PDZRN3: variants seen among roughly 807,000 people sequenced by gnomAD.
PDZRN3 encodes PDZ domain containing ring finger 3.
In PDZRN3, 38 loss-of-function variants were observed where a neutral mutation model predicts 85.7. The observed-to-expected ratio is 0.44, with a 90% CI of 0.34 to 0.58. The LOEUF is 0.58. Ranked by LOEUF, PDZRN3 falls within the 20% of genes least tolerant of loss-of-function variation. PDZRN3 has a pLI of 0.01. For synonymous variants in PDZRN3, 759 were observed against 638.0 expected, an observed-to-expected ratio of 1.19 and a Z score of -2.86; for missense variants, 1,629 against 1,506.4, an observed-to-expected ratio of 1.08 and a Z score of -1.35.
At chr3:73,525,802 A>G (rs1704509069) in intron 3 of PDZRN3, among the ~76,000 whole-genome samples, 1 of 152,148 alleles carries the variant, frequency 6.6e-6, no homozygotes, top group African/African-American at 2.4e-5. Context: ...GGCTTCCTGC[A>G]TTCGCCAGTC....
chr3:73,530,130 C>T (rs1020955873), intron 3 of PDZRN3, among the ~76,000 whole-genome samples: 16 of 152,176 alleles, frequency 1.1e-4, no homozygotes, highest in Admixed American at 3.3e-4. Flanking sequence ...ATTCCCATCG[C>T]ACTCTGGGGG....
rs151247464 is a variant in PDZRN3 at position 73,384,145 on chromosome 3, A to G, written c.2421T>C (p.Asn807=). 148 of 1,614,054 alleles carry G rather than the reference A, an allele frequency of 9.2e-5. 1 individual carries two copies. The African/African-American group carries it at 1.9e-3, about 20-fold the overall frequency. ...CGGGATCTTCCGTGATGGAGAGCAGATTCTTGGAGGCTGGCCCGTAGGCTT... is the reference window on the plus strand; with the variant it reads ...CGGGATCTTCCGTGATGGAGAGCAGGTTCTTGGAGGCTGGCCCGTAGGCTT... The part of the protein sequence containing the change: ...TTEAYGPASK[N]LLSITEDPEV... Residue 807 remains asparagine, a synonymous_variant, in exon 10 of 10, where the codon AAT becomes AAC. Transcript: ENST00000263666.
chr3:73,390,329 G>A (rs1441349255), intron 6 of PDZRN3, among the ~76,000 whole-genome samples: 1 of 152,100 alleles, frequency 6.6e-6, no homozygotes, highest in Non-Finnish European at 1.5e-5. Context: ...GTAAGGGGAG[G>A]GATGTCCCCA....
At chr3:73,538,789 A>T (rs1704849156) in intron 3 of PDZRN3, among the ~76,000 whole-genome samples, 1 of 152,180 alleles carries the variant, frequency 6.6e-6, no homozygotes, top group Non-Finnish European at 1.5e-5. Flanking sequence ...GGCAAACTCT[A>T]AGACCTGGTA....
rs755420306 is a variant in PDZRN3, at chr3:73,390,995, A to T, written c.1353+23T>A. On this transcript the variant is annotated intron_variant, in intron 6 of 9. Transcript: ENST00000263666. Reference sequence around the variant, plus strand: ...CTTTTGGTCTTGATACGATAGTTAGAAAAACAAAATCAGCCTTTGTACCTC... The same window carrying T: ...CTTTTGGTCTTGATACGATAGTTAGTAAAACAAAATCAGCCTTTGTACCTC... 3.9e-6 allele frequency: 6 copies of T among 1,543,090 alleles called. 1 individual carries two copies. The Admixed American group carries it at 1.0e-4, about 26-fold the overall frequency.
Position 73,384,020 on chromosome 3 carries a change from GGGCTCC to G in PDZRN3, c.2540_2545del (p.Arg847_Ser848del), listed in dbSNP as rs1559645386. ...GCTGCCCAGCTTCTGGCTGGGCGTGGGGCTCCGGCTCCCGTCGCTGGCTCTCCGCTC... is the reference window on the plus strand; with the variant it reads ...GCTGCCCAGCTTCTGGCTGGGCGTGGGGCTCCCGTCGCTGGCTCTCCGCTC... On this transcript the variant is annotated inframe_deletion, in exon 10 of 10. Coordinates refer to ENST00000263666, the MANE Select transcript of PDZRN3 (RefSeq NM_015009.3). 6.9e-6 allele frequency: 11 copies of G among 1,591,438 alleles called. No homozygotes were observed. Among genetic ancestry groups the G allele is most frequent in the African/African-American group, 1.3e-5 (1 of 74,354 alleles).
At chr3:73,445,885 T>C (rs1369853458) in intron 3 of PDZRN3, among the ~76,000 whole-genome samples, 2 of 152,170 alleles carry the variant, frequency 1.3e-5, no homozygotes, top group Non-Finnish European at 2.9e-5. Flanking sequence ...AAAATTGAAG[T>C]GATTTAAAAT....
At chr3:73,418,509 A>G (rs1432403311) in intron 3 of PDZRN3, among the ~76,000 whole-genome samples, 2 of 152,188 alleles carry the variant, frequency 1.3e-5, no homozygotes, top group Non-Finnish European at 1.5e-5. Flanking sequence ...TTTTAATATA[A>G]GAGGAACCTC....
intron 3 of PDZRN3, among the ~76,000 whole-genome samples, chr3:73,443,673 A>G (rs1320413886): frequency 6.6e-6 from 1 of 151,250 alleles, no homozygotes; most frequent in Non-Finnish European, 1.5e-5. Flanking sequence ...ATTTTTTTGT[A>G]GAGATGGGGT....
chr3:73,504,767 T>TA (rs1472769102), intron 3 of PDZRN3, among the ~76,000 whole-genome samples: 2 of 152,250 alleles, frequency 1.3e-5, no homozygotes, highest in Non-Finnish European at 2.9e-5. Flanking sequence ...GGAGGTCTTA[T>TA]ACCCACATAA....
At chr3:73,432,033 G>A (rs1238906211) in intron 3 of PDZRN3, among the ~76,000 whole-genome samples, 2 of 152,184 alleles carry the variant, frequency 1.3e-5, no homozygotes, top group East Asian at 3.8e-4. Context: ...ATGGTAAAAA[G>A]CAAAACATTT....
rs1010700473 is a variant in PDZRN3 at position 73,604,144 on chromosome 3, G to A, written c.811-1683C>T. ...TCACAGTGCTCTGCACAGACCTCCT[G>A]CACACTAACCCTTTACCATCTGAAT... On this transcript the variant is annotated intron_variant, in intron 2 of 9. Coordinates refer to ENST00000263666, the MANE Select transcript of PDZRN3 (RefSeq NM_015009.3). Among the ~76,000 whole-genome samples, 26 of 152,276 alleles carry A rather than the reference G, an allele frequency of 1.7e-4. No homozygotes were observed. In the East Asian group the frequency reaches 3.5e-3, roughly 20 times the overall value.
intron 3 of PDZRN3, among the ~76,000 whole-genome samples, chr3:73,476,468 T>C (rs1369078132): frequency 6.6e-6 from 1 of 152,110 alleles, no homozygotes; most frequent in East Asian, 1.9e-4. Context: ...TGGACCCCCC[T>C]TCAACATTGG....
chr3:73,408,913 T>C (rs934932013), intron 3 of PDZRN3, among the ~76,000 whole-genome samples: 2 of 152,078 alleles, frequency 1.3e-5, no homozygotes, highest in African/African-American at 4.8e-5. Context: ...ACAGTGGTGA[T>C]GATGGCTGTG....
At chr3:73,451,265 T>C (rs1253247369) in intron 3 of PDZRN3, among the ~76,000 whole-genome samples, 1 of 152,134 alleles carries the variant, frequency 6.6e-6, no homozygotes, top group Non-Finnish European at 1.5e-5. Context: ...AGTAAAAAAA[T>C]AATTGCTCTC....
chr3:73,601,329 T>C (rs912419551), intron 3 of PDZRN3, among the ~76,000 whole-genome samples: 3 of 152,128 alleles, frequency 2.0e-5, no homozygotes, highest in Non-Finnish European at 4.4e-5. Flanking sequence ...AATTTTGAAA[T>C]AGGCCATGAA....
At chr3:73,545,330 A>C (rs1280561667) in intron 3 of PDZRN3, among the ~76,000 whole-genome samples, 4 of 152,236 alleles carry the variant, frequency 2.6e-5, no homozygotes, top group Non-Finnish European at 4.4e-5. Context: ...CAGAGGGTTT[A>C]AGAAACTCTT....
intron 3 of PDZRN3, among the ~76,000 whole-genome samples, chr3:73,529,573 C>T (rs1220493514): frequency 6.6e-6 from 1 of 152,186 alleles, no homozygotes; most frequent in South Asian, 2.1e-4. Context: ...CAAGTACTGG[C>T]TTTCTATTAT....
At chr3:73,497,811 G>C (rs7621605) in intron 3 of PDZRN3, among the ~76,000 whole-genome samples, 38,376 of 145,678 alleles carry the variant, frequency 0.26, 6,788 homozygotes, top group African/African-American at 0.56. Context: ...CCCCGTCCCC[G>C]CCCCCGCCAA....
Sources: allele counts gnomAD v4.1 joint callset (sites outside exome capture counted in the v4.1 genomes callset), GRCh38; gene constraint gnomAD v4.1.1; transcripts MANE v1.5; gene names NCBI Gene and HGNC (gene_info 2026-07-23, HGNC 2026-07-21).